Variants in CALN1 observed in about 807,000 individuals in gnomAD.
CALN1 encodes the protein calcium-binding protein 8.
In CALN1, 17 loss-of-function variants were observed where a neutral mutation model predicts 30.6. That is an observed-to-expected ratio of 0.56 (90% CI 0.38 to 0.83). The LOEUF is 0.83. Ranked by LOEUF, CALN1 falls within the 40% of genes least tolerant of loss-of-function variation. The pLI is 0.00. For synonymous variants in CALN1, 156 were observed against 131.4 expected, an observed-to-expected ratio of 1.19 and a Z score of -1.28; for missense variants, 291 against 354.9, an observed-to-expected ratio of 0.82 and a Z score of 1.45.
At chr7:72,302,912 A>AAAT (rs1482812869) in intron 2 of CALN1, among the ~76,000 whole-genome samples, 12 of 150,082 alleles carry the variant, frequency 8.0e-5, no homozygotes, top group Admixed American at 6.6e-4. Flanking sequence ...AAAAAAAAAA[A>AAAT]AAAAACGAAA....
At chr7:72,166,070 G>C (rs1411012513) in intron 3 of CALN1, among the ~76,000 whole-genome samples, 1 of 152,108 alleles carries the variant, frequency 6.6e-6, no homozygotes, top group Non-Finnish European at 1.5e-5. Flanking sequence ...TACTGTTCCA[G>C]CCTCACTTGC....
rs112100021 is a variant in CALN1, at chr7:71,987,791, G to A, written c.501+35866C>T. On this transcript the variant is annotated intron_variant, in intron 5 of 6. Coordinates refer to ENST00000395275, the MANE Select transcript of CALN1 (RefSeq NM_031468.4). ...CTAAATCTTTCCGGATAGCAGGCTC[G>A]TCTCTTTTTTATTGTCTCTAAGGAC... 3.7e-3 allele frequency among the ~76,000 whole-genome samples: 562 copies of A among 152,280 alleles called. 4 individuals are homozygous for A. Among genetic ancestry groups the A allele is most frequent in the African/African-American group, 0.012 (515 of 41,546 alleles).
intron 2 of CALN1, among the ~76,000 whole-genome samples, chr7:72,293,937 A>G (rs1798666832): frequency 6.6e-6 from 1 of 152,042 alleles, no homozygotes; most frequent in Non-Finnish European, 1.5e-5. Flanking sequence ...CCTCTCCTTA[A>G]AAATACAAAA....
intron 3 of CALN1, among the ~76,000 whole-genome samples, chr7:72,272,955 G>A (rs989045251): frequency 1.3e-5 from 2 of 151,950 alleles, no homozygotes; most frequent in Non-Finnish European, 2.9e-5. Context: ...GAGTAGCTTG[G>A]GAATGGGAAG....
At chr7:72,175,237 C>T (rs1459078884) in intron 3 of CALN1, among the ~76,000 whole-genome samples, 2 of 152,054 alleles carry the variant, frequency 1.3e-5, no homozygotes, top group African/African-American at 4.8e-5. Context: ...CCACACCCAG[C>T]TAATTTTTTG....
intron 5 of CALN1, among the ~76,000 whole-genome samples, chr7:71,969,103 A>G (rs570485730): frequency 2.6e-5 from 4 of 152,184 alleles, no homozygotes; most frequent in African/African-American, 7.2e-5. Context: ...TTTGGAAATT[A>G]TATCTCCAAA....
chr7:72,174,650 G>A (rs1313940169), intron 3 of CALN1, among the ~76,000 whole-genome samples: 1 of 152,134 alleles, frequency 6.6e-6, no homozygotes, highest in Non-Finnish European at 1.5e-5. Context: ...CCAGACACAA[G>A]AGTATATATA....
chr7:72,258,327 A>G (rs1353399197), intron 3 of CALN1, among the ~76,000 whole-genome samples: 1 of 152,160 alleles, frequency 6.6e-6, no homozygotes, highest in Non-Finnish European at 1.5e-5. Context: ...AGGAAACTAC[A>G]GCATATTTCT....
chr7:72,231,113 C>G (rs1202224979), intron 3 of CALN1, among the ~76,000 whole-genome samples: 1 of 152,032 alleles, frequency 6.6e-6, no homozygotes, highest in Non-Finnish European at 1.5e-5. Context: ...TGTTGCAGTA[C>G]ACGCTTTTTT....
At chr7:72,274,633 T>C (rs1562825382) in intron 3 of CALN1, among the ~76,000 whole-genome samples, 1 of 152,202 alleles carries the variant, frequency 6.6e-6, no homozygotes, top group Non-Finnish European at 1.5e-5. Flanking sequence ...TATAAGATAT[T>C]GCTAATAAAT....
At chr7:72,501,928 A>AAAAATATAT in the CALN1 span, among the ~76,000 whole-genome samples, 1 of 57,966 alleles carries the variant, frequency 1.7e-5, no homozygotes, top group African/African-American at 9.9e-5. Context: ...AAAAAAAAAA[A>AAAAATATAT]ATATATATAT....
intron 3 of CALN1, among the ~76,000 whole-genome samples, chr7:72,236,988 A>AT (rs1397656751): frequency 3.1e-3 from 431 of 140,284 alleles, no homozygotes; most frequent in Non-Finnish European, 4.7e-3. Flanking sequence ...TTCTATTTTT[A>AT]TTTTTTTTTT....
chr7:72,169,601 G>T (rs368612619), intron 3 of CALN1, among the ~76,000 whole-genome samples: 3 of 151,914 alleles, frequency 2.0e-5, no homozygotes, highest in African/African-American at 7.2e-5. Flanking sequence ...GAGGTTACAG[G>T]CTTGAGCCAC....
intron 2 of CALN1, among the ~76,000 whole-genome samples, chr7:72,331,276 G>C (rs1801657874): frequency 6.6e-6 from 1 of 152,062 alleles, no homozygotes; most frequent in African/African-American, 2.4e-5. Context: ...CTTGAACCCA[G>C]GAGGCAGAAG....
chr7:72,410,716 A>G (rs866904277), intron 1 of CALN1, among the ~76,000 whole-genome samples: 13 of 152,198 alleles, frequency 8.5e-5, no homozygotes, highest in African/African-American at 2.9e-4. Flanking sequence ...TTAAATTAAC[A>G]TTGAAAATCA....
chr7:72,336,093 A>T (rs1444129122), intron 2 of CALN1, among the ~76,000 whole-genome samples: 1 of 151,954 alleles, frequency 6.6e-6, no homozygotes, highest in Non-Finnish European at 1.5e-5. Context: ...CTCTCTGGTT[A>T]CCCCTTGCAC....
At chr7:72,036,684 T>C (rs543234411) in intron 4 of CALN1, among the ~76,000 whole-genome samples, 22 of 152,302 alleles carry the variant, frequency 1.4e-4, no homozygotes, top group Admixed American at 5.9e-4. Flanking sequence ...CATTTTAGGT[T>C]TTCTATCTCT....
At chr7:71,898,421 A>T (rs2116925532) in intron 5 of CALN1, among the ~76,000 whole-genome samples, 1 of 152,312 alleles carries the variant, frequency 6.6e-6, no homozygotes, top group African/African-American at 2.4e-5. Context: ...AAAAGGATTT[A>T]GGAACTGAAA....
At chr7:72,367,321 T>C (rs1001361907) in intron 2 of CALN1, among the ~76,000 whole-genome samples, 3 of 151,906 alleles carry the variant, frequency 2.0e-5, no homozygotes, top group Non-Finnish European at 4.4e-5. Context: ...GCCCTGTCTC[T>C]ACAAAAATAA....
Sources: gnomAD v4.1 joint callset for allele counts (sites outside exome capture counted in the v4.1 genomes callset) on GRCh38, gnomAD v4.1.1 for gene constraint, MANE v1.5 for transcripts, NCBI Gene and HGNC (gene_info 2026-07-23, HGNC 2026-07-21) for gene names.